The following RP1L1 variants were observed in gnomAD, a reference collection of about 807,000 sequenced individuals.
RP1L1 encodes RP1 like 1.
RP1L1 carries 27 observed loss-of-function variants against 15.7 expected under a neutral mutation model. That is an observed-to-expected ratio of 1.72 (90% CI 1.27 to 2.38). The LOEUF is 2.38. RP1L1 is among the 30% of genes most tolerant of loss of function. The pLI, the probability that RP1L1 is intolerant of heterozygous loss-of-function variation, is 0.00. For synonymous variants in RP1L1, 1,813 were observed against 1,276.7 expected (o/e 1.42, Z -8.96); for missense variants, 4,798 against 3,075.9 (o/e 1.56, Z -13.24).
chr8:10,631,424 C>G (rs1424779485), intron 1 of RP1L1, among the ~76,000 whole-genome samples: 1 of 146,344 alleles, frequency 6.8e-6, no homozygotes, highest in Non-Finnish European at 1.5e-5. Context: ...CGCACACACA[C>G]ATGCGCGCAC....
At chr8:10,630,500 A>T (rs1585988273) in intron 1 of RP1L1, among the ~76,000 whole-genome samples, 1 of 152,236 alleles carries the variant, frequency 6.6e-6, no homozygotes, top group East Asian at 1.9e-4. Flanking sequence ...GTTGTCAAGG[A>T]CAGGTTGAAA....
chr8:10,631,065 G>A (rs1369928361), intron 1 of RP1L1, among the ~76,000 whole-genome samples: 9 of 152,078 alleles, frequency 5.9e-5, no homozygotes, highest in Non-Finnish European at 1.0e-4. Context: ...GTTTGTTTAC[G>A]GCTGCCACAG....
At chr8:10,637,391 G>A (rs149811951) in intron 1 of RP1L1, among the ~76,000 whole-genome samples, 132 of 152,332 alleles carry the variant, frequency 8.7e-4, no homozygotes, top group Middle Eastern at 3.4e-3. Context: ...TGATGTCAGT[G>A]TAGGGGCCAG....
chr8:10,624,135 T>TC (rs1351300897), intron 1 of RP1L1, among the ~76,000 whole-genome samples: 1 of 152,206 alleles, frequency 6.6e-6, no homozygotes, highest in African/African-American at 2.4e-5. Flanking sequence ...GGCATCACCT[T>TC]CCAGTCCTCA....
chr8:10,640,392 G>A (rs1039797420), intron 1 of RP1L1, among the ~76,000 whole-genome samples: 1 of 152,166 alleles, frequency 6.6e-6, no homozygotes, highest in Non-Finnish European at 1.5e-5. Flanking sequence ...AGGCGTGATG[G>A]CTCATTCCTG....
In RP1L1 at chr8:10,606,512, A is replaced by G. The variant is rs1264480462; in HGVS notation, c.*383T>C. ...CAAGGAGAAAAGTAACAGGAGATCA[A>G]CAGGGAAAAGACAGAGAGCAACACT... On this transcript the variant is annotated 3_prime_UTR_variant, in exon 4 of 4. Coordinates refer to ENST00000382483, the MANE Select transcript of RP1L1 (RefSeq NM_178857.6). 5 of 228,258 alleles carry G rather than the reference A, an allele frequency of 2.2e-5. No individual in the cohort carries two copies. Among genetic ancestry groups the G allele is most frequent in the African/African-American group, 1.2e-4 (5 of 43,042 alleles). 14.1% of individuals were successfully genotyped at this position (228,258 alleles called of 1,614,324 possible).
chr8:10,649,041 A>G (rs377587482), intron 1 of RP1L1, among the ~76,000 whole-genome samples: 3 of 152,202 alleles, frequency 2.0e-5, no homozygotes, highest in African/African-American at 7.2e-5. Context: ...CTGCAGCGCC[A>G]TGCCTGAGCC....
In RP1L1 at chr8:10,615,428, C is replaced by T. The variant is rs547902774; in HGVS notation, c.751+1018G>A. On this transcript the variant is annotated intron_variant, in intron 3 of 3. Transcript: ENST00000382483. ...TCTGTGGTCATGGTTAGTTTTAGTC[C>T]CTTTGACCCCCATGCAGGCCACCAC... 8.5e-5 allele frequency among the ~76,000 whole-genome samples: 13 copies of T among 152,102 alleles called. No homozygotes were observed. The South Asian group carries it at 2.7e-3, about 32-fold the overall frequency.
At chr8:10,613,801 A>C (rs73201159) in intron 3 of RP1L1, among the ~76,000 whole-genome samples, 5 of 151,538 alleles carry the variant, frequency 3.3e-5, no homozygotes, top group Non-Finnish European at 7.4e-5. Flanking sequence ...AAGAAAAGAA[A>C]AAAAAAAGCA....
rs372439012 is a variant in RP1L1, at chr8:10,652,106, C to T, written c.-20+2792G>A. ...GACCTGAGTGTGTAGTAGACAACAC[C>T]ATCTAGTTTCGTGCAAGTATACTCT... On this transcript the variant is annotated intron_variant, in intron 1 of 3. Transcript: ENST00000382483. Among the ~76,000 whole-genome samples the T allele has an allele frequency of 8.3e-4, 127 of 152,212 alleles. 1 individual carries two copies. The South Asian group carries it at 0.026, about 31-fold the overall frequency.
intron 1 of RP1L1, among the ~76,000 whole-genome samples, chr8:10,633,779 G>T (rs892230861): frequency 6.6e-6 from 1 of 152,202 alleles, no homozygotes; most frequent in African/African-American, 2.4e-5. Context: ...TTCATGGCAA[G>T]GCATATTCTA....
intron 1 of RP1L1, among the ~76,000 whole-genome samples, chr8:10,629,590 A>G (rs1340561873): frequency 1.3e-5 from 2 of 152,152 alleles, no homozygotes; most frequent in African/African-American, 4.8e-5. Flanking sequence ...TGTGCAACCA[A>G]ATGCAATCAA....
At chr8:10,631,372 CACACAAACACACAT>C (rs1798246972) in intron 1 of RP1L1, among the ~76,000 whole-genome samples, 1 of 38,126 alleles carries the variant, frequency 2.6e-5, no homozygotes, top group African/African-American at 9.0e-5. Context: ...AACACACATG[CACACAAACACACAT>C]GCACACACAC....
Position 10,608,568 on chromosome 8 carries a change from C to A in RP1L1, c.5530G>T (p.Ala1844Ser). 6.2e-7 allele frequency: 1 copy of A among 1,611,048 alleles called. No individual in the cohort carries two copies. Among genetic ancestry groups the A allele is most frequent in the Non-Finnish European group, 8.5e-7 (1 of 1,177,786 alleles). The change falls in exon 4 of 4, where the codon GCC becomes TCC. Residue 1844 changes from alanine to serine, a missense_variant. Coordinates refer to ENST00000382483, the MANE Select transcript of RP1L1 (RefSeq NM_178857.6). The part of the protein sequence containing the change: ...GIEAPEAEGE[A>S]QPESEGVEAP... ...TCTACACCTTCTGACTCTGGCTGGG[C>A]CTCCCCTTCAGCCTCCGGGGCCTCT...
intron 2 of RP1L1, chr8:10,621,741 G>A (rs199640235): frequency 6.9e-4 from 350 of 508,924 alleles, no homozygotes; most frequent in South Asian, 1.4e-3. Flanking sequence ...CCATTCTGCC[G>A]ACCTTTGGTG....
intron 1 of RP1L1, among the ~76,000 whole-genome samples, chr8:10,633,472 C>T (rs1210189009): frequency 6.6e-6 from 1 of 152,158 alleles, no homozygotes; most frequent in Non-Finnish European, 1.5e-5. Context: ...CAAACAAAAC[C>T]CCGGGCAAGG....
intron 2 of RP1L1, 108 bp from the exon 3 acceptor site, chr8:10,616,695 C>T: frequency 7.9e-7 from 1 of 1,262,804 alleles, no homozygotes. Flanking sequence ...CTGATTTCTG[C>T]ACATCTCACC....
intron 1 of RP1L1, among the ~76,000 whole-genome samples, chr8:10,630,067 A>C (rs993346370): frequency 6.6e-6 from 1 of 152,208 alleles, no homozygotes; most frequent in African/African-American, 2.4e-5. Flanking sequence ...GGTCTCCTTC[A>C]GAGCTCAGTC....
Position 10,606,830 on chromosome 8 carries a change from T to C in RP1L1, c.*65A>G. The C allele has an allele frequency of 1.2e-6, 2 of 1,608,736 alleles. No homozygotes were observed. Among genetic ancestry groups the C allele is most frequent in the Non-Finnish European group, 1.7e-6 (2 of 1,179,798 alleles). On this transcript the variant is annotated 3_prime_UTR_variant, in exon 4 of 4. Coordinates refer to ENST00000382483, the MANE Select transcript of RP1L1 (RefSeq NM_178857.6). ...CAGTGGACTGAACGTTGCTCAGTTT[T>C]GTAGAAAAAATATGAATAAAAACAG...
Sources: gnomAD v4.1 joint callset for allele counts (sites outside exome capture counted in the v4.1 genomes callset) on GRCh38, gnomAD v4.1.1 for gene constraint, MANE v1.5 for transcripts, NCBI Gene and HGNC (gene_info 2026-07-23, HGNC 2026-07-21) for gene names.